F13A1: variants seen among roughly 807,000 people sequenced by gnomAD.
The protein encoded by F13A1 is FSF, A subunit.
A neutral mutation model predicts 80.1 loss-of-function variants in F13A1; 47 were observed. The observed-to-expected ratio is 0.59, with a 90% confidence interval of 0.46 to 0.75. The LOEUF is 0.75. Ranked by LOEUF, F13A1 falls within the 30% of genes least tolerant of loss-of-function variation. F13A1 has a pLI of 0.00. For missense variants in F13A1, 817 were observed against 930.4 expected, an observed-to-expected ratio of 0.88 and a Z score of 1.59; for synonymous variants, 349 against 344.9, an observed-to-expected ratio of 1.01 and a Z score of -0.13.
chr6:6,221,196 T>C (rs191713267), intron 8 of F13A1, among the ~76,000 whole-genome samples: 35 of 152,254 alleles, frequency 2.3e-4, no homozygotes, highest in Middle Eastern at 3.4e-3. Context: ...CTACTTAAAC[T>C]CTTAGGATTT....
chr6:6,224,366 A>T (rs1035467963), intron 7 of F13A1, among the ~76,000 whole-genome samples: 8 of 147,896 alleles, frequency 5.4e-5, no homozygotes, highest in African/African-American at 9.7e-5. Context: ...TAGTTTTTTT[A>T]AAATGTGGTG....
chr6:6,206,386 A>G, intron 8 of F13A1: 1 of 446,576 alleles, frequency 2.2e-6, no homozygotes, highest in Middle Eastern at 3.9e-4. Flanking sequence ...GATTAACCAG[A>G]ACATGATTCC....
At chr6:6,255,943 G>A (rs1230566067) in intron 4 of F13A1, among the ~76,000 whole-genome samples, 1 of 152,084 alleles carries the variant, frequency 6.6e-6, no homozygotes, top group Admixed American at 6.5e-5. Context: ...AAAAAAAATT[G>A]TATCACGATG....
At chr6:6,157,020 C>A (rs1354703610) in intron 13 of F13A1, among the ~76,000 whole-genome samples, 1 of 152,176 alleles carries the variant, frequency 6.6e-6, no homozygotes, top group East Asian at 1.9e-4. Flanking sequence ...AAGTAACTTG[C>A]TCAAGTTCAC....
chr6:6,289,850 C>A (rs998418840), intron 3 of F13A1, among the ~76,000 whole-genome samples: 1 of 151,740 alleles, frequency 6.6e-6, no homozygotes, highest in African/African-American at 2.4e-5. Context: ...AATTTCCATT[C>A]CCCTGGGTCA....
Position 6,259,461 on chromosome 6 carries a change from GATTT to G in F13A1, c.571+7093_571+7096del, listed in dbSNP as rs750633457. Among the ~76,000 whole-genome samples, 483 of 152,172 alleles carry G rather than the reference GATTT, an allele frequency of 3.2e-3. 3 individuals carry two copies. Among genetic ancestry groups the G allele is most frequent in the Non-Finnish European group, 4.4e-3 (297 of 68,008 alleles). On this transcript the variant is annotated intron_variant, in intron 4 of 14. Transcript: ENST00000264870. ...TGATTTCTTCATATTAAATTAAATTGATTTATTTGTTTAAAGAAAAGTGAAAAAA... is the reference window on the plus strand; with the variant it reads ...TGATTTCTTCATATTAAATTAAATTGATTTGTTTAAAGAAAAGTGAAAAAA...
At chr6:6,223,056 T>G (rs1002899596) in intron 7 of F13A1, among the ~76,000 whole-genome samples, 2 of 152,228 alleles carry the variant, frequency 1.3e-5, no homozygotes, top group Admixed American at 6.5e-5. Flanking sequence ...TCATTCTGTT[T>G]CTGGCTGAAC....
Position 6,144,957 on chromosome 6 carries a change from C to T in F13A1, c.*662G>A. ...TATTCAATAGACTTGAGTGTTGCAC[C>T]TGCTTTCTTATCTCCTTGTAGGTGG... On this transcript the variant is annotated 3_prime_UTR_variant, in exon 15 of 15. Transcript: ENST00000264870. The T allele has an allele frequency of 6.4e-6, 1 of 155,730 alleles. No individual in the cohort carries two copies. Among genetic ancestry groups the T allele is most frequent in the Non-Finnish European group, 1.4e-5 (1 of 70,022 alleles). 9.6% of individuals were successfully genotyped at this position (155,730 alleles called of 1,614,324 possible). A position where few individuals can be genotyped will look rare whatever the true frequency, so the allele number is the denominator to read the frequency against.
At chr6:6,317,416 C>G (rs1021954792) in intron 2 of F13A1, among the ~76,000 whole-genome samples, 5 of 152,164 alleles carry the variant, frequency 3.3e-5, no homozygotes, top group African/African-American at 1.2e-4. Context: ...ACTCTACCAC[C>G]TGACTGAAGA....
chr6:6,234,814 C>T (rs898346856), intron 6 of F13A1, among the ~76,000 whole-genome samples: 5 of 151,868 alleles, frequency 3.3e-5, no homozygotes, highest in Non-Finnish European at 7.4e-5. Context: ...ATAATTTCTT[C>T]TGTTGCAATT....
At chr6:6,175,630 G>T in intron 11 of F13A1, among the ~76,000 whole-genome samples, 1 of 152,200 alleles carries the variant, frequency 6.6e-6, no homozygotes, top group East Asian at 1.9e-4. Context: ...GCAAATTAGA[G>T]GTTCTAAGTG....
rs201149092 is a variant in F13A1, at chr6:6,305,481, C to T, written c.189G>A (p.Val63=). ...LFKERWDTNK[V]DHHTDKYENN... The stretch of plus-strand genomic sequence containing the variant: ...TTTCATACTTGTCAGTGTGGTGGTC[C>T]ACCTTGTTAGTGTCCCATCTCTCCT... Residue 63 remains valine, a synonymous_variant, in exon 3 of 15, where the codon GTG becomes GTA. Transcript: ENST00000264870. 1 of 1,614,236 alleles carries T rather than the reference C, an allele frequency of 6.2e-7. No homozygotes were observed. Among genetic ancestry groups the T allele is most frequent in the African/African-American group, 1.3e-5 (1 of 75,062 alleles).
intron 4 of F13A1, among the ~76,000 whole-genome samples, chr6:6,263,453 C>T (rs180703912): frequency 1.3e-5 from 2 of 152,290 alleles, no homozygotes; most frequent in East Asian, 3.9e-4. Flanking sequence ...TCTCCTTGCG[C>T]TCCACTGACT....
chr6:6,258,321 G>A (rs1008936033), intron 4 of F13A1, among the ~76,000 whole-genome samples: 2 of 152,112 alleles, frequency 1.3e-5, no homozygotes, highest in Non-Finnish European at 2.9e-5. Context: ...GTGATTATCA[G>A]TTCAGTTCAG....
At chr6:6,215,437 TTATCTC>T (rs1761705788) in intron 8 of F13A1, among the ~76,000 whole-genome samples, 1 of 104,696 alleles carries the variant, frequency 9.6e-6, no homozygotes, top group Admixed American at 8.8e-5. Flanking sequence ...AACCACATGA[TTATCTC>T]AATAGATGCA....
At chr6:6,223,418 G>A (rs1356398891) in intron 7 of F13A1, among the ~76,000 whole-genome samples, 4 of 152,196 alleles carry the variant, frequency 2.6e-5, no homozygotes, top group East Asian at 3.9e-4. Context: ...TTTCACAAGA[G>A]TGGTTGCCTC....
At chr6:6,318,424 C>T in intron 2 of F13A1, 111 bp downstream of exon 2, 1 of 1,331,342 alleles carries the variant, frequency 7.5e-7, no homozygotes, top group Non-Finnish European at 1.0e-6. Context: ...CAGGGGGCTT[C>T]CTTTTGTGGG....
chr6:6,206,520 G>A (rs776507360), intron 8 of F13A1: 5 of 480,632 alleles, frequency 1.0e-5, no homozygotes, highest in African/African-American at 2.0e-5. Context: ...ACTCCCCTTG[G>A]TTTACTCTCA....
At chr6:6,175,355 C>G (rs1395067971) in intron 11 of F13A1, among the ~76,000 whole-genome samples, 1 of 152,132 alleles carries the variant, frequency 6.6e-6, no homozygotes, top group African/African-American at 2.4e-5. Flanking sequence ...TCTCTCCTTC[C>G]ACTTGGGCCT....
Sources: allele counts gnomAD v4.1 joint callset (sites outside exome capture counted in the v4.1 genomes callset), GRCh38; gene constraint gnomAD v4.1.1; transcripts MANE v1.5; gene names NCBI Gene and HGNC (gene_info 2026-07-23, HGNC 2026-07-21).